ASB3: variants seen among roughly 807,000 people sequenced by gnomAD.
The protein encoded by ASB3 is ankyrin repeat and SOCS box protein 3.
Under a neutral mutation model 54.5 loss-of-function variants are expected in ASB3, and 41 were observed. The ratio of observed to expected loss-of-function variants is 0.75; its 90% CI spans 0.59 to 0.98. The LOEUF (loss-of-function observed/expected upper bound fraction) is 0.98, where lower values mean the gene tolerates loss of function less well. Among genes scored for constraint, ASB3 ranks in the 50% least tolerant of loss-of-function variants. The pLI, the probability that ASB3 is intolerant of heterozygous loss-of-function variation, is 0.00. For synonymous variants in ASB3, 266 were observed against 221.2 expected, an observed-to-expected ratio of 1.20 and a Z score of -1.80; for missense variants, 733 against 620.0, an observed-to-expected ratio of 1.18 and a Z score of -1.94.
At position 53,733,577 on chromosome 2, in the gene ASB3, G is replaced by C. The variant is rs559071573; in HGVS notation, c.356-4007C>G. ...CTGCGTCAGCCTCCCGAGTAGCTGG[G>C]ACTACCAGCATGTGACACCACACCC... On this transcript the variant is annotated intron_variant, in intron 3 of 9. Coordinates refer to ENST00000263634, the MANE Select transcript of ASB3 (RefSeq NM_016115.5). Among the ~76,000 whole-genome samples, 21 of 152,144 alleles carry C rather than the reference G, an allele frequency of 1.4e-4. No individual in the cohort carries two copies. In the South Asian group the frequency reaches 2.9e-3, roughly 21 times the overall value.
chr2:53,699,954 C>CA (rs1669395889), intron 8 of ASB3, among the ~76,000 whole-genome samples: 1 of 152,178 alleles, frequency 6.6e-6, no homozygotes, highest in Non-Finnish European at 1.5e-5. Context: ...AAAGCAGCTC[C>CA]AAGCATTCTT....
chr2:53,739,433 A>T (rs1482353923), intron 3 of ASB3, among the ~76,000 whole-genome samples: 3 of 152,252 alleles, frequency 2.0e-5, no homozygotes, highest in African/African-American at 7.2e-5. Context: ...TAGAAATAGT[A>T]AATAATGATC....
chr2:53,756,035 A>G (rs572429190), intron 2 of ASB3, among the ~76,000 whole-genome samples: 29 of 150,396 alleles, frequency 1.9e-4, no homozygotes, highest in South Asian at 4.2e-4. Flanking sequence ...ATGTGATGGC[A>G]TATGTCTGCG....
intron 9 of ASB3, among the ~76,000 whole-genome samples, chr2:53,685,534 A>G (rs1230423602): frequency 6.6e-6 from 1 of 152,198 alleles, no homozygotes; most frequent in Non-Finnish European, 1.5e-5. Flanking sequence ...AACTTAGCAT[A>G]TTCTAACCTC....
chr2:53,746,706 C>T (rs1395040871), intron 3 of ASB3, among the ~76,000 whole-genome samples: 1 of 152,042 alleles, frequency 6.6e-6, no homozygotes, highest in Non-Finnish European at 1.5e-5. Flanking sequence ...TCTCGAACCC[C>T]TGACCTCAGG....
At chr2:53,762,095 G>A (rs906537065) in intron 2 of ASB3, among the ~76,000 whole-genome samples, 2 of 152,136 alleles carry the variant, frequency 1.3e-5, no homozygotes, top group African/African-American at 4.8e-5. Context: ...AGGAGCAATG[G>A]CAGATAGAGA....
At chr2:53,783,762 G>A (rs1674783443) in intron 1 of ASB3, among the ~76,000 whole-genome samples, 1 of 152,140 alleles carries the variant, frequency 6.6e-6, no homozygotes, top group Non-Finnish European at 1.5e-5. Context: ...TAAATGAGCA[G>A]GCAAGGTAAA....
At chr2:53,712,336 T>C (rs1001017293) in intron 7 of ASB3, among the ~76,000 whole-genome samples, 2 of 152,208 alleles carry the variant, frequency 1.3e-5, no homozygotes, top group African/African-American at 4.8e-5. Flanking sequence ...ATCGTGTGTA[T>C]GTTTCAGCTT....
At chr2:53,774,465 C>G in intron 1 of ASB3, 1 of 1,591,536 alleles carries the variant, frequency 6.3e-7, no homozygotes. Context: ...AGCATCTTTT[C>G]GCTTTGGAAA....
chr2:53,683,732 C>T (rs540514243), intron 9 of ASB3, among the ~76,000 whole-genome samples: 12 of 152,088 alleles, frequency 7.9e-5, no homozygotes, highest in Admixed American at 6.5e-4. Context: ...GGAATTTATC[C>T]GTTTCTTCCA....
intron 3 of ASB3, among the ~76,000 whole-genome samples, chr2:53,735,199 CAT>C (rs1191717329): frequency 6.6e-6 from 1 of 152,086 alleles, no homozygotes; most frequent in Non-Finnish European, 1.5e-5. Context: ...GGATTACACA[CAT>C]GAGCCACCAC....
At chr2:53,729,395 G>A (rs1671177968) in intron 4 of ASB3, 63 bp downstream of exon 4, 2 of 1,556,856 alleles carry the variant, frequency 1.3e-6, no homozygotes, top group South Asian at 1.1e-5. Context: ...GCATAGGACT[G>A]TCATTTTAAG....
At chr2:53,753,728 C>A (rs1672660477) in intron 2 of ASB3, among the ~76,000 whole-genome samples, 1 of 151,816 alleles carries the variant, frequency 6.6e-6, no homozygotes, top group Admixed American at 6.6e-5. Context: ...CCTCCACCTC[C>A]CAGGTTCAAG....
intron 1 of ASB3, among the ~76,000 whole-genome samples, chr2:53,777,607 G>A (rs2104198894): frequency 6.6e-6 from 1 of 152,178 alleles, no homozygotes; most frequent in African/African-American, 2.4e-5. Context: ...ACTAAAACCA[G>A]TACTCATCTC....
intron 1 of ASB3, chr2:53,767,215 G>A (rs1323230557): frequency 6.6e-6 from 1 of 152,152 alleles, no homozygotes; most frequent in Admixed American, 6.5e-5. Flanking sequence ...TACTAAAGAT[G>A]AATAAATTTG....
intron 9 of ASB3, among the ~76,000 whole-genome samples, chr2:53,683,021 T>C (rs4525731): frequency 0.2 from 30,879 of 152,082 alleles, 3,573 homozygotes; most frequent in East Asian, 0.52. Context: ...TGTTGAATCA[T>C]AGTGGTGAAA....
intron 8 of ASB3, among the ~76,000 whole-genome samples, chr2:53,699,774 T>A (rs532895996): frequency 1.5e-4 from 23 of 152,278 alleles, no homozygotes; most frequent in Middle Eastern, 3.4e-3. Context: ...GTTTGTATAA[T>A]CTCTCACTGA....
At chr2:53,700,150 T>C in intron 8 of ASB3, 121 bp downstream of exon 8, 2 of 1,459,846 alleles carry the variant, frequency 1.4e-6, no homozygotes, top group South Asian at 2.8e-5. Flanking sequence ...TTCACCCCAA[T>C]TCAGCCATCA....
At chr2:53,782,462 G>A (rs746278199) in intron 1 of ASB3, among the ~76,000 whole-genome samples, 6 of 152,106 alleles carry the variant, frequency 3.9e-5, no homozygotes, top group African/African-American at 4.8e-5. Context: ...GAGGAAGGAC[G>A]TAGGACTAAA....
Sources: gnomAD v4.1 joint callset for allele counts (sites outside exome capture counted in the v4.1 genomes callset) on GRCh38, gnomAD v4.1.1 for gene constraint, MANE v1.5 for transcripts, NCBI Gene and HGNC (gene_info 2026-07-23, HGNC 2026-07-21) for gene names.